The following PUS7 variants were observed in gnomAD, a reference collection of about 807,000 sequenced individuals.
The protein encoded by PUS7 is pseudouridylate synthase 7 homolog.
In PUS7, 48 loss-of-function variants were observed where a neutral mutation model predicts 79.8. The observed-to-expected ratio is 0.60, with a 90% CI of 0.48 to 0.76. The LOEUF is 0.76. Ranked by LOEUF, PUS7 falls within the 30% of genes least tolerant of loss-of-function variation. PUS7 has a pLI of 0.00. For synonymous variants in PUS7, 286 were observed against 272.2 expected (o/e 1.05, Z -0.50); for missense variants, 729 against 797.6 (o/e 0.91, Z 1.04).
intron 1 of PUS7, among the ~76,000 whole-genome samples, chr7:105,517,166 C>CTTTTTTTTTTTTTT (rs1289590315): frequency 3.4e-5 from 5 of 146,628 alleles, no homozygotes; most frequent in Admixed American, 7.0e-5. Context: ...CTTCACATTT[C>CTTTTTTTTTTTTTT]TTTTTTTGGC....
chr7:105,475,427 T>C (rs187405262), intron 9 of PUS7, among the ~76,000 whole-genome samples: 109 of 152,074 alleles, frequency 7.2e-4, no homozygotes, highest in South Asian at 1.2e-3. Flanking sequence ...CCTTGTGATC[T>C]GCCCCCCTTG....
chr7:105,481,787 G>A (rs1338780096), intron 8 of PUS7, among the ~76,000 whole-genome samples: 3 of 151,350 alleles, frequency 2.0e-5, no homozygotes, highest in African/African-American at 7.3e-5. Context: ...CTGGAGTGCA[G>A]TGGAGCGATC....
intron 13 of PUS7, 25 bp from the exon 14 acceptor site, chr7:105,462,775 T>C (rs1447826966): frequency 1.5e-5 from 24 of 1,597,950 alleles, no homozygotes; most frequent in Non-Finnish European, 1.8e-5. Context: ...AAAAAGTTAG[T>C]TGAAATGCAG....
At chr7:105,468,305 T>A in intron 12 of PUS7, 32 bp downstream of exon 12, 1 of 1,602,240 alleles carries the variant, frequency 6.2e-7, no homozygotes, top group South Asian at 1.1e-5. Context: ...AACCCTAGCT[T>A]AGCTGAGTAA....
rs1402789565 is a variant in PUS7 at position 105,496,929 on chromosome 7, T to C, written c.731-1676A>G. The C allele has an allele frequency of 8.4e-6, 10 of 1,191,972 alleles. No individual in the cohort carries two copies. In the African/African-American group the frequency reaches 1.6e-4, roughly 19 times the overall value. The allele number at this position is 1,191,972 out of a possible 1,614,324, so 73.8% of individuals were successfully genotyped here. A position where few individuals can be genotyped will look rare whatever the true frequency, so the allele number is the denominator to read the frequency against. On this transcript the variant is annotated intron_variant, in intron 5 of 15. Transcript: ENST00000469408. ...AAAATCTTTGGCATTTCACTTTATC[T>C]ACATGAAATGCCAAATGCTCTTACC...
chr7:105,500,107 C>T (rs1422975980), intron 5 of PUS7, among the ~76,000 whole-genome samples: 1 of 152,148 alleles, frequency 6.6e-6, no homozygotes, highest in East Asian at 1.9e-4. Context: ...AGAAATGTCA[C>T]AACACCACAA....
intron 5 of PUS7, among the ~76,000 whole-genome samples, chr7:105,500,943 A>G (rs1208605921): frequency 6.6e-6 from 1 of 152,174 alleles, no homozygotes; most frequent in Non-Finnish European, 1.5e-5. Context: ...CTCATGCCCC[A>G]AGCAGTTCCA....
At chr7:105,495,613 T>G (rs11983358) in intron 5 of PUS7, among the ~76,000 whole-genome samples, 6,708 of 151,980 alleles carry the variant, frequency 0.044, 209 homozygotes, top group South Asian at 0.12. Context: ...GGCATGGTGG[T>G]ACACGCCTGT....
chr7:105,465,985 C>T (rs549504130), intron 12 of PUS7, among the ~76,000 whole-genome samples: 1 of 152,130 alleles, frequency 6.6e-6, no homozygotes, highest in East Asian at 1.9e-4. Context: ...TGGCGAAACC[C>T]CATCTCTACA....
chr7:105,468,709 G>C (rs1341252299), intron 11 of PUS7, among the ~76,000 whole-genome samples: 1 of 147,706 alleles, frequency 6.8e-6, no homozygotes, highest in Non-Finnish European at 1.5e-5. Context: ...GTAGAGACAG[G>C]GTTTCACCAT....
chr7:105,475,723 T>G (rs1411693510), intron 9 of PUS7, among the ~76,000 whole-genome samples: 1 of 152,192 alleles, frequency 6.6e-6, no homozygotes, highest in Non-Finnish European at 1.5e-5. Context: ...TGGCTATTTT[T>G]AAGTATACAG....
In PUS7 at chr7:105,508,343, T is replaced by C; in HGVS notation, c.170A>G (p.Asp57Gly). 6.2e-7 allele frequency: 1 copy of C among 1,614,102 alleles called. No homozygotes were observed. The highest frequency in any genetic ancestry group is 8.5e-7 in the Non-Finnish European group (1 of 1,180,030). The change falls in exon 2 of 16, where the codon GAC becomes GGC. Residue 57 changes from aspartate (D) to glycine (G), a missense_variant. Transcript: ENST00000469408. ...LQNDFLSISE[D>G]VPRPPDTVST... Reference sequence around the variant, plus strand: ...GACAGTGTCAGGAGGCCGAGGCACGTCTTCACTGATGGACAGAAAGTCATT... The same window carrying C: ...GACAGTGTCAGGAGGCCGAGGCACGCCTTCACTGATGGACAGAAAGTCATT...
chr7:105,482,442 T>C lies in PUS7; in HGVS notation c.921-2A>G, dbSNP rs1326437206. 2.6e-6 allele frequency: 4 copies of C among 1,541,544 alleles called. No individual in the cohort carries two copies. In the African/African-American group the frequency reaches 6.3e-5, roughly 24 times the overall value. ...TGGGCAAGTCTTTGTGCAGTTATTC[T>C]TTAAAAAAAAAAAAAAAAGCAACAA... On this transcript the variant is annotated splice_acceptor_variant, in intron 7 of 15. Coordinates refer to ENST00000469408, the MANE Select transcript of PUS7 (RefSeq NM_019042.5). LOFTEE classifies it high-confidence loss of function.
chr7:105,497,141 G>T (rs1825070513), intron 5 of PUS7, among the ~76,000 whole-genome samples: 1 of 152,202 alleles, frequency 6.6e-6, no homozygotes, highest in Admixed American at 6.6e-5. Flanking sequence ...CATTAACAAT[G>T]GAATGTTTTA....
At chr7:105,463,424 C>T (rs1451813475) in intron 13 of PUS7, among the ~76,000 whole-genome samples, 1 of 152,164 alleles carries the variant, frequency 6.6e-6, no homozygotes, top group East Asian at 1.9e-4. Context: ...TTCTCTAGAC[C>T]AAACAATGCT....
Position 105,506,254 on chromosome 7 carries a change from GAAC to G in PUS7, c.415_417del (p.Val139del). 1 of 1,612,268 alleles carries G rather than the reference GAAC, an allele frequency of 6.2e-7. No homozygotes were observed. Among genetic ancestry groups the G allele is most frequent in the Non-Finnish European group, 8.5e-7 (1 of 1,179,030 alleles). On this transcript the variant is annotated inframe_deletion, in exon 3 of 16. Transcript: ENST00000469408. ...ATCCGTCCATCTTTTCCTATTTCATGAACAACGAAGTCGGAGTATCTGATGAAA... is the reference window on the plus strand; with the variant it reads ...ATCCGTCCATCTTTTCCTATTTCATGAACGAAGTCGGAGTATCTGATGAAA...
chr7:105,500,101 A>G (rs1441509571), intron 5 of PUS7, among the ~76,000 whole-genome samples: 1 of 152,174 alleles, frequency 6.6e-6, no homozygotes, highest in Non-Finnish European at 1.5e-5. Context: ...CTTTGAAGAA[A>G]TGTCACAACA....
intron 1 of PUS7, among the ~76,000 whole-genome samples, chr7:105,511,551 C>A (rs1825702427): frequency 1.3e-5 from 2 of 150,484 alleles, no homozygotes; most frequent in South Asian, 4.2e-4. Flanking sequence ...CACCTGAGGT[C>A]AGAAGTTCGA....
Position 105,481,274 on chromosome 7 carries a change from G to A in PUS7, c.1050-97C>T, listed in dbSNP as rs886890101. On this transcript the variant is annotated intron_variant, in intron 8 of 15. Coordinates refer to ENST00000469408, the MANE Select transcript of PUS7 (RefSeq NM_019042.5). ...CTACGGCCTGGCTTCCAAGTCTTTC[G>A]TTCACTCTCCTGCAGCTTTCTCTCT... 17 of 1,048,730 alleles carry A rather than the reference G, an allele frequency of 1.6e-5. No homozygotes were observed. The East Asian group carries it at 2.2e-4, about 14-fold the overall frequency. 65.0% of individuals were successfully genotyped at this position (1,048,730 alleles called of 1,614,324 possible).
Sources: gnomAD v4.1 joint callset for allele counts (sites outside exome capture counted in the v4.1 genomes callset) on GRCh38, gnomAD v4.1.1 for gene constraint, MANE v1.5 for transcripts, NCBI Gene and HGNC (gene_info 2026-07-23, HGNC 2026-07-21) for gene names.